Variants in BLNK observed in about 807,000 individuals in gnomAD.
BLNK encodes B cell linker, also known as B-cell linker protein.
A neutral mutation model predicts 73.5 loss-of-function variants in BLNK; 29 were observed. The ratio of observed to expected loss-of-function variants is 0.39; its 90% CI spans 0.29 to 0.54. The LOEUF (loss-of-function observed/expected upper bound fraction) is 0.54. BLNK is among the 20% of genes least tolerant of loss of function. The pLI, the probability that BLNK is intolerant of heterozygous loss-of-function variation, is 0.61. For synonymous variants in BLNK, 176 were observed against 200.8 expected (o/e 0.88, Z 1.04); for missense variants, 460 against 562.8 (o/e 0.82, Z 1.85).
chr10:96,246,797 C>A (rs1419062361), intron 2 of BLNK, among the ~76,000 whole-genome samples, 187 bp downstream of exon 2: 7 of 152,216 alleles, frequency 4.6e-5, no homozygotes, highest in Admixed American at 3.3e-4. Context: ...CTGAGTACAA[C>A]TGCACTCACT....
intron 1 of BLNK, among the ~76,000 whole-genome samples, chr10:96,253,122 C>G (rs1183549658): frequency 6.6e-6 from 1 of 152,204 alleles, no homozygotes; most frequent in Non-Finnish European, 1.5e-5. Context: ...ACTACCCATG[C>G]ATAAGATGTA....
intron 10 of BLNK, 39 bp downstream of exon 10, chr10:96,207,833 A>G (rs1206999843): frequency 1.1e-5 from 18 of 1,610,424 alleles, no homozygotes; most frequent in African/African-American, 4.0e-5. Flanking sequence ...TAAACACTGC[A>G]GGAAATATGA....
intron 15 of BLNK, among the ~76,000 whole-genome samples, chr10:96,198,980 T>C (rs1385723962): frequency 6.6e-6 from 1 of 152,206 alleles, no homozygotes. Flanking sequence ...ATTACAGGCA[T>C]AAGCCACTGC....
At chr10:96,212,704 G>C (rs587729921) in intron 8 of BLNK, among the ~76,000 whole-genome samples, 1 of 152,208 alleles carries the variant, frequency 6.6e-6, no homozygotes, top group African/African-American at 2.4e-5. Flanking sequence ...ATGTGGTGTG[G>C]TGCTTTGACA....
intron 4 of BLNK, among the ~76,000 whole-genome samples, chr10:96,228,712 G>A (rs1249982512): frequency 6.6e-6 from 1 of 152,178 alleles, no homozygotes; most frequent in Non-Finnish European, 1.5e-5. Context: ...GGTTTCTTGT[G>A]CATGTTTTTC....
intron 1 of BLNK, among the ~76,000 whole-genome samples, chr10:96,263,020 C>A (rs1843826952): frequency 6.6e-6 from 1 of 152,170 alleles, no homozygotes; most frequent in Non-Finnish European, 1.5e-5. Context: ...CCTTTCAGTC[C>A]TCGCAAGGCG....
chr10:96,263,834 G>A (rs1400362300), intron 1 of BLNK, among the ~76,000 whole-genome samples: 2 of 152,198 alleles, frequency 1.3e-5, no homozygotes, highest in African/African-American at 2.4e-5. Context: ...GGTTTCCACC[G>A]CAGCAGCCAA....
At chr10:96,258,870 C>T (rs868925761) in intron 1 of BLNK, among the ~76,000 whole-genome samples, 1 of 152,162 alleles carries the variant, frequency 6.6e-6, no homozygotes, top group African/African-American at 2.4e-5. Flanking sequence ...TGATAAAAAA[C>T]ACATAACAAA....
intron 15 of BLNK, among the ~76,000 whole-genome samples, chr10:96,197,366 G>A (rs2083493758): frequency 6.6e-6 from 1 of 152,100 alleles, no homozygotes; most frequent in African/African-American, 2.4e-5. Flanking sequence ...GTGCAGTGGT[G>A]CAATCACAGT....
In BLNK at chr10:96,215,355, G is replaced by A. The variant is rs1554899613; in HGVS notation, c.642C>T (p.Ser214=). The A allele has an allele frequency of 6.2e-7, 1 of 1,613,984 alleles. No homozygotes were observed. Among genetic ancestry groups the A allele is most frequent in the South Asian group, 1.1e-5 (1 of 91,078 alleles). Reference sequence around the variant, plus strand: ...TTCCTGGAGGAGAGGCGGGCGTTGAGGAATTTGGCTTGGTTGATCTATTCA... The same window carrying A: ...TTCCTGGAGGAGAGGCGGGCGTTGAAGAATTTGGCTTGGTTGATCTATTCA... ...PMVNRSTKPN[S]STPASPPGTA... The change falls in exon 8 of 17, where the codon TCC becomes TCT. Residue 214 remains serine (S), a synonymous_variant. Transcript: ENST00000224337.
Position 96,209,042 on chromosome 10 carries a change from G to A in BLNK, c.746+796C>T, listed in dbSNP as rs117687168. ...TTGAGCCAACATAATTTTACGGGGT[G>A]ACGTTTGTAATATTAACACATTACA... On this transcript the variant is annotated intron_variant, in intron 9 of 16. Transcript: ENST00000224337. Among the ~76,000 whole-genome samples, 517 of 152,310 alleles carry A rather than the reference G, an allele frequency of 3.4e-3. 4 individuals are homozygous for A. Among genetic ancestry groups the A allele is most frequent in the South Asian group, 0.032 (153 of 4,818 alleles).
intron 3 of BLNK, among the ~76,000 whole-genome samples, chr10:96,242,237 G>A (rs903952325): frequency 7.2e-5 from 11 of 152,066 alleles, no homozygotes; most frequent in South Asian, 2.1e-4. Context: ...CTCTTGGCTC[G>A]CATTCTACCT....
chr10:96,270,542 C>T lies in BLNK; in HGVS notation c.47+810G>A, dbSNP rs569975508. Among the ~76,000 whole-genome samples the T allele has an allele frequency of 2.6e-5, 4 of 151,916 alleles. No individual in the cohort carries two copies. The South Asian group carries it at 8.3e-4, about 32-fold the overall frequency. Reference sequence around the variant, plus strand: ...ACAGGTCGATGGGTGCAGCAAACCACCATGGGATGTGTATACCTATGTAAC... The same window carrying T: ...ACAGGTCGATGGGTGCAGCAAACCATCATGGGATGTGTATACCTATGTAAC... On this transcript the variant is annotated intron_variant, in intron 1 of 16. Transcript: ENST00000224337.
At chr10:96,212,088 CA>C (rs782408000) in intron 8 of BLNK, among the ~76,000 whole-genome samples, 2 of 152,136 alleles carry the variant, frequency 1.3e-5, no homozygotes, top group Non-Finnish European at 2.9e-5. Flanking sequence ...AATAGTCTGC[CA>C]AAACCTTCCT....
In BLNK at chr10:96,191,148, T is replaced by G. The variant is rs2083322022; in HGVS notation, c.*825A>C. Among the ~76,000 whole-genome samples, 1 of 152,084 alleles carries G rather than the reference T, an allele frequency of 6.6e-6. No homozygotes were observed. Among genetic ancestry groups the G allele is most frequent in the African/African-American group, 2.4e-5 (1 of 41,408 alleles). ...GCACATGCTCTCTTGCCTGCCACCA[T>G]GTAAAACATGCCTTTGCTTCTTCTT... On this transcript the variant is annotated 3_prime_UTR_variant, in exon 17 of 17. Coordinates refer to ENST00000224337, the MANE Select transcript of BLNK (RefSeq NM_013314.4).
At chr10:96,255,290 G>A (rs781785534) in intron 1 of BLNK, among the ~76,000 whole-genome samples, 13 of 152,204 alleles carry the variant, frequency 8.5e-5, no homozygotes, top group Non-Finnish European at 1.8e-4. Context: ...CAGATCACCA[G>A]AGGTGTCCAA....
chr10:96,189,191 T>C lies in BLNK; in HGVS notation c.*2782A>G, dbSNP rs2083292201. ...AAGGGTGAAGTTCCATCTTTAATAA[T>C]GAAACAGGCATTTTGGACAACACAT... On this transcript the variant is annotated 3_prime_UTR_variant, in exon 17 of 17. Transcript: ENST00000224337. Among the ~76,000 whole-genome samples the C allele has an allele frequency of 6.6e-6, 1 of 152,228 alleles. No individual in the cohort carries two copies. The highest frequency in any genetic ancestry group is 1.5e-5 in the Non-Finnish European group (1 of 68,044).
At chr10:96,204,016 C>T (rs145125336) in intron 13 of BLNK, 41 bp downstream of exon 13, 40 of 1,576,692 alleles carry the variant, frequency 2.5e-5, no homozygotes, top group East Asian at 1.6e-4. Flanking sequence ...GATCCAGCCT[C>T]GACCACTCCC....
chr10:96,216,884 A>T, intron 6 of BLNK, 150 bp from the exon 7 acceptor site: 1 of 739,606 alleles, frequency 1.4e-6, no homozygotes, highest in Non-Finnish European at 2.4e-6. Context: ...GGTGACTTTT[A>T]GTATATTCAC....
Sources: allele counts gnomAD v4.1 joint callset (sites outside exome capture counted in the v4.1 genomes callset), GRCh38; gene constraint gnomAD v4.1.1; transcripts MANE v1.5; gene names NCBI Gene and HGNC (gene_info 2026-07-23, HGNC 2026-07-21).